Variants in SHC1 observed in about 807,000 individuals in gnomAD.
The protein encoded by SHC1 is SHC-transforming protein 1.
In SHC1, 30 loss-of-function variants were observed where a neutral mutation model predicts 55.9. The observed-to-expected ratio is 0.54, with a 90% confidence interval of 0.40 to 0.73. SHC1 has a LOEUF of 0.73. Among genes scored for constraint, SHC1 ranks in the 30% least tolerant of loss-of-function variants. The pLI, the probability that SHC1 is intolerant of heterozygous loss-of-function variation, is 0.00. For synonymous variants in SHC1, 309 were observed against 306.1 expected (o/e 1.01, Z -0.10); for missense variants, 675 against 777.1 (o/e 0.87, Z 1.56).
At chr1:154,964,722 T>C (rs1373669231) in intron 11 of SHC1, among the ~76,000 whole-genome samples, 1 of 152,148 alleles carries the variant, frequency 6.6e-6, no homozygotes, top group African/African-American at 2.4e-5. Context: ...CACCTCAGCT[T>C]CGCAAAATGT....
rs1388946553 is a variant in SHC1 at position 154,966,491 on chromosome 1, C to T, written c.1010G>A (p.Trp337Ter). 1 of 1,602,184 alleles carries T rather than the reference C, an allele frequency of 6.2e-7. No homozygotes were observed. The highest frequency in any genetic ancestry group is 8.5e-7 in the Non-Finnish European group (1 of 1,173,240). The change falls in exon 8 of 12, where the codon TGG becomes TAG. Residue 337 changes from tryptophan (W) to a stop codon, truncating the protein, a stop_gained. Transcript: ENST00000448116. LOFTEE classifies it high-confidence loss of function. ...DRMAGFDGSA[W>*]DEEEEEPPDH... The stretch of plus-strand genomic sequence containing the variant: ...AGGTGGCTCTTCCTCCTCCTCATCC[C>T]ATGCTGAGCCATCAAAGCCAGCCAT...
At position 154,967,655 on chromosome 1, in the gene SHC1, C is replaced by G. The variant is rs1475515869; in HGVS notation, c.983+16G>C. ...CCTAATCCAAGAGCTGCTCCACACT[C>G]TCCCCACCTGCTCACCTGTCATGAG... On this transcript the variant is annotated intron_variant, in intron 7 of 11. Coordinates refer to ENST00000448116, the MANE Select transcript of SHC1 (RefSeq NM_001130040.2). 6.2e-7 allele frequency: 1 copy of G among 1,613,094 alleles called. No individual in the cohort carries two copies. Among genetic ancestry groups the G allele is most frequent in the African/African-American group, 1.3e-5 (1 of 74,924 alleles).
intron 11 of SHC1, chr1:154,964,424 G>A (rs1437392746): frequency 5.4e-6 from 2 of 369,460 alleles, no homozygotes; most frequent in Admixed American, 3.5e-5. Flanking sequence ...CGCAGCCTGA[G>A]TGACAAAGCA....
intron 11 of SHC1, chr1:154,965,265 G>A: frequency 1.2e-6 from 1 of 865,664 alleles, no homozygotes; most frequent in Non-Finnish European, 1.6e-6. Context: ...TCGAACTCCT[G>A]ACCTCAGGTG....
chr1:154,973,511 TAAAAAAAAAAAA>T (rs56300199), upstream of SHC1: 5 of 96,308 alleles, frequency 5.2e-5, no homozygotes, highest in African/African-American at 1.5e-4. Flanking sequence ...AACTCCGTCT[TAAAAAAAAAAAA>T]AAAAAAAAAA....
Position 154,968,608 on chromosome 1 carries a change from T to A in SHC1, c.637A>T (p.Ser213Cys), listed in dbSNP as rs756484286. Residue 213 changes from serine to cysteine, a missense_variant, in exon 4 of 12, where the codon AGC (serine) becomes TGC (cysteine). By Grantham distance (112) the Ser-to-Cys change is moderately radical (BLOSUM62 -1). Coordinates refer to ENST00000448116, the MANE Select transcript of SHC1 (RefSeq NM_001130040.2). ...CCCAGGATAGAGCTGAGCGGGCGGC[T>A]ACAGGGCTAAGGTAGGGCCCAGGGT... ...KGATRRRKPC[S>C]RPLSSILGRS... 6.2e-7 allele frequency: 1 copy of A among 1,614,084 alleles called. No individual in the cohort carries two copies. Among genetic ancestry groups the A allele is most frequent in the South Asian group, 1.1e-5 (1 of 91,082 alleles).
intron 11 of SHC1, among the ~76,000 whole-genome samples, chr1:154,964,969 G>A (rs534094903): frequency 6.6e-6 from 1 of 152,332 alleles, no homozygotes; most frequent in African/African-American, 2.4e-5. Flanking sequence ...GGGCACAGAT[G>A]AGATGACTGC....
intron 1 of SHC1, 119 bp from the exon 2 acceptor site, chr1:154,969,567 C>A: frequency 1.5e-6 from 1 of 685,660 alleles, no homozygotes. Context: ...AGAAGTTCTG[C>A]CCACTTCCCG....
chr1:154,964,548 A>G (rs569148649), intron 11 of SHC1, among the ~76,000 whole-genome samples: 11 of 152,260 alleles, frequency 7.2e-5, no homozygotes, highest in Non-Finnish European at 1.0e-4. Context: ...CAGTGGCGCA[A>G]TCATGGCTCA....
chr1:154,974,343 G>A (rs1362925931), upstream of SHC1: 1 of 293,676 alleles, frequency 3.4e-6, no homozygotes, highest in Admixed American at 4.9e-5. Flanking sequence ...TTTCTCCCCG[G>A]GCCCTGCCTC....
intron 7 of SHC1, among the ~76,000 whole-genome samples, chr1:154,966,928 C>G (rs932430531): frequency 8.5e-5 from 13 of 152,156 alleles, no homozygotes; most frequent in African/African-American, 3.1e-4. Flanking sequence ...CATAGCGAGA[C>G]CTTATCTCTA....
rs915967912 is a variant in SHC1 at position 154,970,160 on chromosome 1, G to A, written c.367C>T (p.Arg123Trp). 2.5e-6 allele frequency: 4 copies of A among 1,613,302 alleles called. No homozygotes were observed. The African/African-American group carries it at 4.0e-5, about 16-fold the overall frequency. ...CCCCCAAGCTGGCCCCCTTCCACCC[G>A]AGTCCTGCGCCCGCCGCCTCCACTC... ...KLSGGGGRRT[R>W]VEGGQLGGEE... Residue 123 changes from arginine (R) to tryptophan (W), a missense_variant, in exon 1 of 12, where the codon CGG becomes TGG. Around this residue, in one of 3 missense-constraint regions of SHC1, gnomAD observed 156 missense variants for 159.1 expected, o/e 0.98. Coordinates refer to ENST00000448116, the MANE Select transcript of SHC1 (RefSeq NM_001130040.2). This position sits in a 1 kb window ranked among gnomAD's most constrained non-coding sequence, Gnocchi z 5.5.
rs1473834280 is a variant in SHC1, at chr1:154,970,438, G to C, written c.89C>G (p.Pro30Arg). Residue 30 changes from proline to arginine, a missense_variant, in exon 1 of 12, where the codon CCC (proline) becomes CGC (arginine). Physicochemically the swap from Pro to Arg is moderately radical, Grantham distance 103. This residue lies in a region of SHC1 where 156 missense variants were observed against 159.1 expected (regional missense o/e 0.98). Transcript: ENST00000448116. This position sits in a 1 kb window ranked among gnomAD's most constrained non-coding sequence, Gnocchi z 5.5. ...SLEEGASGSTPPEELPSPSAS... is the reference protein window; with the variant it reads ...SLEEGASGSTRPEELPSPSAS... The stretch of plus-strand genomic sequence containing the variant: ...TGATGGGGAAGGCAGCTCCTCCGGG[G>C]GGGTGGACCCAGAAGCCCCTTCCTC... 6.2e-7 allele frequency: 1 copy of C among 1,610,990 alleles called. No homozygotes were observed. Among genetic ancestry groups the C allele is most frequent in the Non-Finnish European group, 8.5e-7 (1 of 1,178,922 alleles).
Position 154,963,647 on chromosome 1 carries a change from C to T in SHC1, c.*156G>A. 3 of 684,664 alleles carry T rather than the reference C, an allele frequency of 4.4e-6. No individual in the cohort carries two copies. The highest frequency in any genetic ancestry group is 7.3e-6 in the Non-Finnish European group (3 of 408,962). 42.4% of individuals were successfully genotyped at this position (684,664 alleles called of 1,614,324 possible). A position where few individuals can be genotyped will look rare whatever the true frequency, so the allele number is the denominator to read the frequency against. On this transcript the variant is annotated 3_prime_UTR_variant, in exon 12 of 12. Coordinates refer to ENST00000448116, the MANE Select transcript of SHC1 (RefSeq NM_001130040.2). ...CTCACCCAGGCTTTTGACTCAAACCCTCTCACTCAGCTGGATATGAAACCC... is the reference window on the plus strand; with the variant it reads ...CTCACCCAGGCTTTTGACTCAAACCTTCTCACTCAGCTGGATATGAAACCC...
At position 154,966,056 on chromosome 1, in the gene SHC1, G is replaced by A; in HGVS notation, c.1277C>T (p.Pro426Leu). Residue 426 changes from proline to leucine, a missense_variant, in exon 10 of 12, where the codon CCC becomes CTC. Physicochemically the swap from Pro to Leu is moderately conservative, Grantham distance 98. Transcript: ENST00000448116. ...TAGGTTCTGGACGTTGACATAGGAG[G>A]GATCATCAAAAAGCTCTCTGCCTGC... is the stretch of plus-strand genomic sequence containing the variant. ...CPAGRELFDDPSYVNVQNLDK... is the reference protein window; with the variant it reads ...CPAGRELFDDLSYVNVQNLDK... 6.2e-7 allele frequency: 1 copy of A among 1,613,950 alleles called. No individual in the cohort carries two copies.
upstream of SHC1, among the ~76,000 whole-genome samples, chr1:154,973,922 C>A (rs1219034349): frequency 6.6e-6 from 1 of 152,040 alleles, no homozygotes; most frequent in Non-Finnish European, 1.5e-5. Context: ...GGAGATAGGC[C>A]TTTTGACAGG....
chr1:154,973,035 T>G (rs913899470), upstream of SHC1, among the ~76,000 whole-genome samples: 3 of 151,998 alleles, frequency 2.0e-5, no homozygotes, highest in Non-Finnish European at 4.4e-5. Flanking sequence ...CACCAACAAA[T>G]CCATGGTCTT....
upstream of SHC1, among the ~76,000 whole-genome samples, chr1:154,973,839 G>A (rs1348758115): frequency 6.6e-6 from 1 of 152,210 alleles, no homozygotes; most frequent in African/African-American, 2.4e-5. Context: ...ATTACGGAGG[G>A]GGCGTGGCTT....
chr1:154,964,020 G>A, intron 11 of SHC1, 89 bp from the exon 12 acceptor site: 7 of 1,425,048 alleles, frequency 4.9e-6, no homozygotes, highest in Non-Finnish European at 5.9e-6. Context: ...AAACAGACAA[G>A]AGGCTTGAAG....
Sources: gnomAD v4.1 joint callset for allele counts (sites outside exome capture counted in the v4.1 genomes callset) on GRCh38, gnomAD v4.1.1 for gene constraint, gnomAD v4.1.1 regional missense constraint, Gnocchi (gnomAD v3.1) non-coding constraint, MANE v1.5 for transcripts, NCBI Gene and HGNC (gene_info 2026-07-23, HGNC 2026-07-21) for gene names.